The following PARP4 variants were observed in gnomAD, a reference collection of about 807,000 sequenced individuals.
PARP4 encodes poly(ADP-ribose) polymerase family member 4.
In PARP4, 120 loss-of-function variants were observed where a neutral mutation model predicts 187.7. The ratio of observed to expected loss-of-function variants is 0.64; its 90% CI spans 0.55 to 0.74. The LOEUF is 0.74. Among genes scored for constraint, PARP4 ranks in the 30% least tolerant of loss-of-function variants. The pLI is 0.00. For synonymous variants in PARP4, 654 were observed against 740.9 expected, an observed-to-expected ratio of 0.88 and a Z score of 1.90; for missense variants, 1,836 against 2,070.5, an observed-to-expected ratio of 0.89 and a Z score of 2.20.
intron 27 of PARP4, among the ~76,000 whole-genome samples, chr13:24,444,839 C>T (rs1871130257): frequency 6.6e-6 from 1 of 152,208 alleles, no homozygotes; most frequent in African/African-American, 2.4e-5. Flanking sequence ...CAGATGCAAA[C>T]AGGCTTTCTC....
At chr13:24,455,606 T>TAA (rs997811445) in intron 21 of PARP4, among the ~76,000 whole-genome samples, 2 of 146,260 alleles carry the variant, frequency 1.4e-5, no homozygotes, top group African/African-American at 5.1e-5. Flanking sequence ...TACTATCATG[T>TAA]AAGTTTCCTT....
At chr13:24,492,303 C>T (rs1191565039) in intron 9 of PARP4, 118 bp downstream of exon 9, 3 of 659,408 alleles carry the variant, frequency 4.5e-6, no homozygotes, top group East Asian at 5.8e-5. Flanking sequence ...AATTTATTTT[C>T]TAGTACAACT....
At chr13:24,421,365 A>G (rs1869736912) in intron 33 of PARP4, 51 bp from the exon 34 acceptor site, 1 of 678,018 alleles carries the variant, frequency 1.5e-6, no homozygotes, top group African/African-American at 1.8e-5. Context: ...TGTGAAATGT[A>G]ATGTGGTACT....
At chr13:24,447,882 A>G (rs1254399186) in intron 25 of PARP4, among the ~76,000 whole-genome samples, 1 of 152,172 alleles carries the variant, frequency 6.6e-6, no homozygotes, top group African/African-American at 2.4e-5. Flanking sequence ...GTGAGATCCC[A>G]TTTCACACCC....
chr13:24,447,685 A>G (rs1871281650), intron 25 of PARP4, among the ~76,000 whole-genome samples: 1 of 152,256 alleles, frequency 6.6e-6, no homozygotes, highest in Admixed American at 6.5e-5. Flanking sequence ...TAGCATGATC[A>G]TATCCTTTTC....
In PARP4 at chr13:24,511,256, T is replaced by G. The variant is rs554573068; in HGVS notation, c.-2+1450A>C. On this transcript the variant is annotated intron_variant, in intron 1 of 33. Coordinates refer to ENST00000381989, the MANE Select transcript of PARP4 (RefSeq NM_006437.4). Reference sequence around the variant, plus strand: ...TCTCTGTAAAATGCCAGCCCTCTTCTGGGTTAACAGCGCCTAACCGACATG... The same window carrying G: ...TCTCTGTAAAATGCCAGCCCTCTTCGGGGTTAACAGCGCCTAACCGACATG... Among the ~76,000 whole-genome samples the G allele has an allele frequency of 4.6e-5, 7 of 152,236 alleles. No homozygotes were observed. The South Asian group carries it at 1.5e-3, about 32-fold the overall frequency.
intron 15 of PARP4, among the ~76,000 whole-genome samples, chr13:24,474,137 C>G (rs1872860077): frequency 6.6e-6 from 1 of 152,134 alleles, no homozygotes; most frequent in South Asian, 2.1e-4. Context: ...CATGATCCTT[C>G]TAGTTATTCA....
At chr13:24,483,313 C>G (rs1468428510) in intron 12 of PARP4, among the ~76,000 whole-genome samples, 1 of 149,970 alleles carries the variant, frequency 6.7e-6, no homozygotes, top group East Asian at 2.0e-4. Context: ...GGTGAAACCC[C>G]GTCTCTACTA....
At position 24,430,149 on chromosome 13, in the gene PARP4, T is replaced by C. The variant is rs190691437; in HGVS notation, c.4846+1228A>G. Among the ~76,000 whole-genome samples, 205 of 152,282 alleles carry C rather than the reference T, an allele frequency of 1.3e-3. 1 individual carries two copies. The highest frequency in any genetic ancestry group is 4.7e-3 in the African/African-American group (196 of 41,560). On this transcript the variant is annotated intron_variant, in intron 32 of 33. Transcript: ENST00000381989. The stretch of plus-strand genomic sequence containing the variant: ...AGTCAGATAGAGGCTCTTCTATTAT[T>C]CCAGGATCAAGCACTCACTCCTCAC...
intron 30 of PARP4, among the ~76,000 whole-genome samples, chr13:24,441,473 C>T (rs1358804752): frequency 6.6e-6 from 1 of 152,222 alleles, no homozygotes; most frequent in Admixed American, 6.5e-5. Flanking sequence ...CGGTATAAAG[C>T]ACTATAAACT....
At chr13:24,502,118 T>C (rs3818940) in intron 2 of PARP4, among the ~76,000 whole-genome samples, 30,342 of 152,150 alleles carry the variant, frequency 0.2, 3,881 homozygotes, top group East Asian at 0.38. Context: ...ACTATCCTCA[T>C]GTACACATCC....
chr13:24,487,816 C>T (rs1488593388), intron 10 of PARP4, among the ~76,000 whole-genome samples: 1 of 152,150 alleles, frequency 6.6e-6, no homozygotes, highest in African/African-American at 2.4e-5. Flanking sequence ...ACCAGCACAC[C>T]CCCGGGTGAG....
intron 10 of PARP4, among the ~76,000 whole-genome samples, chr13:24,487,587 C>A (rs1200505900): frequency 6.6e-6 from 1 of 152,118 alleles, no homozygotes; most frequent in African/African-American, 2.4e-5. Context: ...GACAGAGAGA[C>A]CCCACACTGG....
intron 20 of PARP4, among the ~76,000 whole-genome samples, chr13:24,458,727 G>A (rs1156374371): frequency 6.6e-6 from 1 of 152,166 alleles, no homozygotes; most frequent in Non-Finnish European, 1.5e-5. Flanking sequence ...AGTTAGGTGG[G>A]TGGAGGGGGC....
At chr13:24,446,958 A>G in intron 26 of PARP4, 58 bp downstream of exon 26, 3 of 1,531,756 alleles carry the variant, frequency 2.0e-6, no homozygotes, top group Non-Finnish European at 2.6e-6. Context: ...AAGACAGAAA[A>G]AAAATTAGCA....
chr13:24,504,944 C>T (rs1869529115), intron 1 of PARP4, among the ~76,000 whole-genome samples: 1 of 151,036 alleles, frequency 6.6e-6, no homozygotes, highest in African/African-American at 2.4e-5. Context: ...ATCTGCCCAC[C>T]TTGGCCTCCC....
intron 6 of PARP4, among the ~76,000 whole-genome samples, chr13:24,497,022 C>T (rs1014781141): frequency 1.4e-4 from 21 of 151,666 alleles, no homozygotes; most frequent in Admixed American, 9.2e-4. Flanking sequence ...GACTCTGTCT[C>T]GGGGAAAAAG....
At chr13:24,486,889 G>A (rs1873589818) in intron 10 of PARP4, among the ~76,000 whole-genome samples, 1 of 150,154 alleles carries the variant, frequency 6.7e-6, no homozygotes, top group South Asian at 2.1e-4. Context: ...GGCGGGGGGT[G>A]GTGTAGAGGT....
At chr13:24,475,618 A>C (rs1872944425) in intron 14 of PARP4, 22 bp from the exon 15 acceptor site, 3 of 1,610,678 alleles carry the variant, frequency 1.9e-6, no homozygotes, top group Non-Finnish European at 2.5e-6. Flanking sequence ...AAATGTTACT[A>C]TTAGCTTTCA....
Sources: allele counts gnomAD v4.1 joint callset (sites outside exome capture counted in the v4.1 genomes callset), GRCh38; gene constraint gnomAD v4.1.1; transcripts MANE v1.5; gene names NCBI Gene and HGNC (gene_info 2026-07-23, HGNC 2026-07-21).